FAM107A: variants seen among roughly 807,000 people sequenced by gnomAD.
FAM107A encodes the protein actin-associated protein FAM107A.
FAM107A carries 19 observed loss-of-function variants against 13.7 expected under a neutral mutation model. That is an observed-to-expected ratio of 1.38 (90% confidence interval 0.97 to 2.03). FAM107A has a LOEUF of 2.03. Among genes scored for constraint, FAM107A ranks in the 30% most tolerant of loss-of-function variants. The probability of loss-of-function intolerance (pLI) is 0.00; values close to 1 mark genes in which losing one functional copy is unlikely to be tolerated. For missense variants in FAM107A, 203 were observed against 184.4 expected (o/e 1.10, Z -0.58); for synonymous variants, 82 against 74.5 (o/e 1.10, Z -0.52).
At chr3:58,566,736 G>A (rs2063625968) in intron 3 of FAM107A, 41 bp from the exon 4 acceptor site, 2 of 1,490,722 alleles carry the variant, frequency 1.3e-6, no homozygotes, top group East Asian at 4.5e-5. Flanking sequence ...GGTGGAGCTA[G>A]GGGGATTCCT....
intron 1 of FAM107A, among the ~76,000 whole-genome samples, chr3:58,597,568 T>A (rs1363565992): frequency 6.6e-6 from 1 of 152,238 alleles, no homozygotes; most frequent in Non-Finnish European, 1.5e-5. Flanking sequence ...TATTCAGGGA[T>A]GTGTCTGCAA....
chr3:58,591,215 A>C (rs533622412), upstream of FAM107A, among the ~76,000 whole-genome samples: 3 of 152,252 alleles, frequency 2.0e-5, no homozygotes, highest in South Asian at 6.2e-4. This position sits in a 1 kb window ranked among gnomAD's most constrained non-coding sequence, Gnocchi z 4.3. Context: ...AGTGTAGAGA[A>C]GGGAAAGGGG....
At chr3:58,579,354 A>G (rs2065500687), upstream of FAM107A, among the ~76,000 whole-genome samples, 1 of 152,168 alleles carries the variant, frequency 6.6e-6, no homozygotes, top group Non-Finnish European at 1.5e-5. Context: ...TTCTCGAGCC[A>G]CTTAAACTAA....
chr3:58,584,558 A>G (rs1415614363), intron 1 of FAM107A, among the ~76,000 whole-genome samples: 1 of 152,192 alleles, frequency 6.6e-6, no homozygotes, highest in African/African-American at 2.4e-5. Context: ...AAGCTCTCTG[A>G]ACCTCGGTCT....
At chr3:58,623,112 A>C (rs1210759841) in intron 1 of FAM107A, among the ~76,000 whole-genome samples, 1 of 152,052 alleles carries the variant, frequency 6.6e-6, no homozygotes, top group Non-Finnish European at 1.5e-5. Flanking sequence ...GGCAGGGAAA[A>C]TTGTTCAGGG....
At chr3:58,599,185 G>T (rs181254272) in intron 1 of FAM107A, among the ~76,000 whole-genome samples, 12 of 151,922 alleles carry the variant, frequency 7.9e-5, no homozygotes, top group African/African-American at 2.7e-4. Context: ...CAAATCATCC[G>T]CCTGCCTCAG....
upstream of FAM107A, among the ~76,000 whole-genome samples, chr3:58,587,870 G>A (rs2065623714): frequency 1.3e-5 from 2 of 152,294 alleles, no homozygotes; most frequent in East Asian, 3.9e-4. Flanking sequence ...TTCATGTTCT[G>A]TTTCATTTAA....
Position 58,596,552 on chromosome 3 carries a change from G to A in FAM107A, c.-69-7283C>T, listed in dbSNP as rs114556814. Among the ~76,000 whole-genome samples, 536 of 152,172 alleles carry A rather than the reference G, an allele frequency of 3.5e-3. 3 individuals are homozygous for A. Among genetic ancestry groups the A allele is most frequent in the African/African-American group, 0.012 (511 of 41,518 alleles). On this transcript the variant is annotated intron_variant, in intron 1 of 3. Transcript: ENST00000465970. The stretch of plus-strand genomic sequence containing the variant: ...AAATTAGCCGGACCTGGTGATGGGT[G>A]CCTGTAATCCCAGCTACTAGAGAGG...
chr3:58,572,146 A>C lies in FAM107A; in HGVS notation c.-5-2281T>G, dbSNP rs1050513268. On this transcript the variant is annotated intron_variant, in intron 1 of 3. Coordinates refer to ENST00000360997, the MANE Select transcript of FAM107A (RefSeq NM_001076778.3). Reference sequence around the variant, plus strand: ...CTGAGTAACGGGAATGACCACTGAGAAAGTGCGTAATAATAAAAATAGTCA... The same window carrying C: ...CTGAGTAACGGGAATGACCACTGAGCAAGTGCGTAATAATAAAAATAGTCA... Among the ~76,000 whole-genome samples, 37 of 152,314 alleles carry C rather than the reference A, an allele frequency of 2.4e-4. 1 individual carries two copies. Among genetic ancestry groups the C allele is most frequent in the Non-Finnish European group, 8.8e-5 (6 of 68,024 alleles).
chr3:58,576,675 G>T (rs1575442742), intron 1 of FAM107A, among the ~76,000 whole-genome samples: 1 of 152,196 alleles, frequency 6.6e-6, no homozygotes. Context: ...GCCTTGTATT[G>T]CAAAGTCCTA....
chr3:58,594,795 A>T (rs1156685170), intron 1 of FAM107A, among the ~76,000 whole-genome samples: 1 of 152,160 alleles, frequency 6.6e-6, no homozygotes, highest in Non-Finnish European at 1.5e-5. Flanking sequence ...TGTTGTTTTT[A>T]CCTAAATCAA....
At chr3:58,594,833 A>G (rs2065684778) in intron 1 of FAM107A, among the ~76,000 whole-genome samples, 1 of 152,230 alleles carries the variant, frequency 6.6e-6, no homozygotes. Context: ...CAACACAAAA[A>G]AACTCAAGGA....
At chr3:58,578,337 G>T (rs1485398713), upstream of FAM107A, among the ~76,000 whole-genome samples, 1 of 152,204 alleles carries the variant, frequency 6.6e-6, no homozygotes, top group Non-Finnish European at 1.5e-5. Flanking sequence ...GGAGGCTGAG[G>T]TAGGCAGATC....
At chr3:58,570,701 A>T (rs980586008) in intron 1 of FAM107A, among the ~76,000 whole-genome samples, 6 of 151,680 alleles carry the variant, frequency 4.0e-5, no homozygotes. Context: ...TTAGCTGCTT[A>T]TAGGAATTTC....
chr3:58,583,598 G>C (rs1355828515), intron 1 of FAM107A, among the ~76,000 whole-genome samples: 1 of 149,746 alleles, frequency 6.7e-6, no homozygotes, highest in Non-Finnish European at 1.5e-5. Context: ...CTCCACCCTG[G>C]GCAACAAGAG....
At chr3:58,593,552 A>T (rs1575449127) in intron 1 of FAM107A, among the ~76,000 whole-genome samples, 1 of 150,852 alleles carries the variant, frequency 6.6e-6, no homozygotes, top group African/African-American at 2.4e-5. Context: ...GGCAAGGTAC[A>T]CTCCAATTCT....
chr3:58,595,948 G>A (rs1680559535), intron 1 of FAM107A, among the ~76,000 whole-genome samples: 1 of 152,196 alleles, frequency 6.6e-6, no homozygotes, highest in South Asian at 2.1e-4. Context: ...ACTGTCATTT[G>A]TTCTCACCGT....
upstream of FAM107A, among the ~76,000 whole-genome samples, chr3:58,589,465 A>G (rs1170908459): frequency 6.6e-6 from 1 of 152,142 alleles, no homozygotes; most frequent in Non-Finnish European, 1.5e-5. Context: ...GTGTGCCCAC[A>G]TGCGTATTTA....
chr3:58,589,420 C>T (rs1053840347), upstream of FAM107A, among the ~76,000 whole-genome samples: 5 of 152,092 alleles, frequency 3.3e-5, no homozygotes, highest in African/African-American at 1.2e-4. Context: ...TTACCATAGT[C>T]TTTGGAATGG....
Sources: gnomAD v4.1 joint callset for allele counts (sites outside exome capture counted in the v4.1 genomes callset) on GRCh38, gnomAD v4.1.1 for gene constraint, Gnocchi (gnomAD v3.1) non-coding constraint, MANE v1.5 for transcripts, NCBI Gene and HGNC (gene_info 2026-07-23, HGNC 2026-07-21) for gene names.